Variants in DPYD observed in about 807,000 individuals in gnomAD.
The protein encoded by DPYD is dihydropyrimidine dehydrogenase [NADP(+)].
In DPYD, 109 loss-of-function variants were observed where a neutral mutation model predicts 116.2. That is an observed-to-expected ratio of 0.94 (90% confidence interval 0.80 to 1.10). DPYD has a LOEUF of 1.10. Among genes scored for constraint, DPYD ranks in the 50% least tolerant of loss-of-function variants. DPYD has a pLI of 0.00. For missense variants in DPYD, 1,302 were observed against 1,254.5 expected (o/e 1.04, Z -0.57); for synonymous variants, 440 against 432.0 (o/e 1.02, Z -0.23).
At chr1:97,571,651 G>A (rs763306345) in intron 11 of DPYD, among the ~76,000 whole-genome samples, 1 of 152,042 alleles carries the variant, frequency 6.6e-6, no homozygotes, top group African/African-American at 2.4e-5. Context: ...GAAATGACAT[G>A]ACATAGTGTT....
chr1:97,541,635 G>A (rs1294439155), intron 12 of DPYD, among the ~76,000 whole-genome samples: 1 of 152,112 alleles, frequency 6.6e-6, no homozygotes, highest in Non-Finnish European at 1.5e-5. Flanking sequence ...TTGGTCATGT[G>A]CTGCTTATGT....
At chr1:97,823,893 A>C (rs1164709794) in intron 3 of DPYD, among the ~76,000 whole-genome samples, 1 of 140,840 alleles carries the variant, frequency 7.1e-6, no homozygotes, top group Non-Finnish European at 1.5e-5. Context: ...TTTTTGTCCA[A>C]ACAGCAAAAA....
At chr1:97,164,667 C>T (rs541033419) in intron 20 of DPYD, among the ~76,000 whole-genome samples, 91 of 152,210 alleles carry the variant, frequency 6.0e-4, no homozygotes, top group African/African-American at 2.1e-3. Context: ...GGAAGGCAAT[C>T]CCATTCACAA....
chr1:97,867,961 T>C lies in DPYD; in HGVS notation c.150+15303A>G, dbSNP rs1341424435. Among the ~76,000 whole-genome samples, 4 of 151,742 alleles carry C rather than the reference T, an allele frequency of 2.6e-5. 1 individual carries two copies. Among genetic ancestry groups the C allele is most frequent in the Non-Finnish European group, 2.9e-5 (2 of 67,848 alleles). On this transcript the variant is annotated intron_variant, in intron 2 of 22. Coordinates refer to ENST00000370192, the MANE Select transcript of DPYD (RefSeq NM_000110.4). ...TGTTTGCAGGTGACATGGTCTTATG[T>C]ATAGAAAACCCGAAAGCCAACACCA...
intron 19 of DPYD, among the ~76,000 whole-genome samples, chr1:97,223,016 G>A (rs1040953905): frequency 1.3e-5 from 2 of 151,934 alleles, no homozygotes; most frequent in African/African-American, 2.4e-5. Context: ...ATCACCTAAA[G>A]ACACCCGTCA....
intron 8 of DPYD, among the ~76,000 whole-genome samples, chr1:97,597,348 G>A: frequency 6.6e-6 from 1 of 152,128 alleles, no homozygotes; most frequent in Non-Finnish European, 1.5e-5. Flanking sequence ...GTCTCCATGT[G>A]GATACTTTGA....
chr1:97,684,570 AAT>A (rs1553219569), intron 7 of DPYD, among the ~76,000 whole-genome samples: 5 of 150,708 alleles, frequency 3.3e-5, no homozygotes, highest in Admixed American at 6.6e-5. Flanking sequence ...TTGAAAAAAA[AAT>A]ATATATATAT....
intron 13 of DPYD, among the ~76,000 whole-genome samples, chr1:97,489,813 A>T (rs553612680): frequency 6.6e-6 from 1 of 152,348 alleles, no homozygotes; most frequent in East Asian, 1.9e-4. Flanking sequence ...TAAAACTGGC[A>T]CAAAGTCCCA....
intron 1 of DPYD, among the ~76,000 whole-genome samples, chr1:97,884,095 G>A (rs1672368997): frequency 6.6e-6 from 1 of 151,856 alleles, no homozygotes; most frequent in South Asian, 2.1e-4. Flanking sequence ...TAAAATATAT[G>A]TTTAAAATGT....
At chr1:97,825,127 G>A (rs546732632) in intron 3 of DPYD, among the ~76,000 whole-genome samples, 27 of 151,900 alleles carry the variant, frequency 1.8e-4, no homozygotes, top group Admixed American at 1.6e-3. Flanking sequence ...GTAACCCCTC[G>A]TCCTTTTTAC....
chr1:97,603,658 T>C (rs1655403657), intron 8 of DPYD, among the ~76,000 whole-genome samples: 1 of 152,162 alleles, frequency 6.6e-6, no homozygotes, highest in African/African-American at 2.4e-5. Context: ...CATTGTATTG[T>C]ATTAGTTACT....
intron 13 of DPYD, among the ~76,000 whole-genome samples, chr1:97,501,104 G>A (rs1352955321): frequency 6.6e-6 from 1 of 151,972 alleles, no homozygotes; most frequent in Admixed American, 6.6e-5. Flanking sequence ...CTGAAACCCT[G>A]TACGACATAG....
intron 11 of DPYD, among the ~76,000 whole-genome samples, chr1:97,553,759 C>T (rs923383391): frequency 3.3e-5 from 5 of 151,958 alleles, no homozygotes; most frequent in African/African-American, 1.2e-4. Flanking sequence ...GAGACTGTGG[C>T]ATATGTCCCA....
intron 20 of DPYD, among the ~76,000 whole-genome samples, chr1:97,156,385 T>C (rs1655458561): frequency 6.6e-6 from 1 of 151,828 alleles, no homozygotes; most frequent in Non-Finnish European, 1.5e-5. Context: ...AGGGCTAATA[T>C]CCAGAATCTA....
intron 20 of DPYD, among the ~76,000 whole-genome samples, chr1:97,108,213 T>G (rs1170061226): frequency 6.6e-6 from 1 of 152,078 alleles, no homozygotes; most frequent in Non-Finnish European, 1.5e-5. Context: ...AGCACTCACT[T>G]GGGAATTAGG....
chr1:97,771,682 C>A (rs535854569), intron 3 of DPYD, among the ~76,000 whole-genome samples: 2 of 152,230 alleles, frequency 1.3e-5, no homozygotes, highest in African/African-American at 4.8e-5. Flanking sequence ...AATTATATAA[C>A]CCATATTTGG....
intron 8 of DPYD, among the ~76,000 whole-genome samples, chr1:97,670,083 T>C (rs753999744): frequency 2.6e-4 from 40 of 152,166 alleles, no homozygotes; most frequent in Non-Finnish European, 4.9e-4. Flanking sequence ...TTTAGCTTCA[T>C]TGAATTACAG....
At chr1:97,283,221 T>G (rs1043027525) in intron 18 of DPYD, among the ~76,000 whole-genome samples, 2 of 152,174 alleles carry the variant, frequency 1.3e-5, no homozygotes, top group African/African-American at 4.8e-5. Context: ...TGATTATCTG[T>G]TTAATAAAAC....
chr1:97,411,610 T>C (rs1019294410), intron 14 of DPYD, among the ~76,000 whole-genome samples: 1 of 152,198 alleles, frequency 6.6e-6, no homozygotes, highest in African/African-American at 2.4e-5. Flanking sequence ...CATTTATCAT[T>C]GAATACTCAT....
Sources: allele counts gnomAD v4.1 joint callset (sites outside exome capture counted in the v4.1 genomes callset), GRCh38; gene constraint gnomAD v4.1.1; transcripts MANE v1.5; gene names NCBI Gene and HGNC (gene_info 2026-07-23, HGNC 2026-07-21).